DSCAM: variants seen among roughly 807,000 people sequenced by gnomAD.
DSCAM encodes the protein DS cell adhesion molecule.
A neutral mutation model predicts 217.7 loss-of-function variants in DSCAM; 47 were observed. The observed-to-expected ratio is 0.22, with a 90% CI of 0.17 to 0.28. The LOEUF is 0.28. DSCAM is among the 10% of genes least tolerant of loss of function. The pLI, the probability that DSCAM is intolerant of heterozygous loss-of-function variation, is 1.00. For missense variants in DSCAM, 2,080 were observed against 2,618.3 expected (o/e 0.79, Z 4.49); for synonymous variants, 1,056 against 1,015.3 (o/e 1.04, Z -0.76).
chr21:40,718,266 C>A (rs2090864677), intron 1 of DSCAM, among the ~76,000 whole-genome samples: 1 of 152,130 alleles, frequency 6.6e-6, no homozygotes, highest in South Asian at 2.1e-4. Flanking sequence ...AGTCCAAGAC[C>A]CTAGAGACAT....
intron 16 of DSCAM, among the ~76,000 whole-genome samples, chr21:40,145,960 ACATACACACATACATG>A (rs1455530863): frequency 5.1e-4 from 52 of 101,550 alleles, no homozygotes; most frequent in African/African-American, 1.6e-3. Context: ...GTGTATGTAT[ACATACACACATACATG>A]TGTATGTATG....
chr21:40,166,288 G>T (rs1417864025), intron 16 of DSCAM, among the ~76,000 whole-genome samples: 61 of 152,126 alleles, frequency 4.0e-4, no homozygotes, highest in Admixed American at 4.0e-3. Flanking sequence ...AAAACGGTGA[G>T]GAAAGAGACA....
intron 3 of DSCAM, among the ~76,000 whole-genome samples, chr21:40,541,299 C>T (rs755178344): frequency 3.3e-5 from 5 of 152,100 alleles, no homozygotes; most frequent in Admixed American, 3.3e-4. Flanking sequence ...TAGTAACAGA[C>T]TATATTTAAA....
intron 1 of DSCAM, among the ~76,000 whole-genome samples, chr21:40,798,730 A>C (rs2091713239): frequency 1.3e-5 from 2 of 152,278 alleles, no homozygotes; most frequent in African/African-American, 4.8e-5. Context: ...TAAATGTTTA[A>C]TAAAAGACAT....
At chr21:40,546,718 A>C (rs2076585981) in intron 3 of DSCAM, among the ~76,000 whole-genome samples, 1 of 152,224 alleles carries the variant, frequency 6.6e-6, no homozygotes, top group African/African-American at 2.4e-5. Flanking sequence ...TTGATTTAGC[A>C]AAAATCTGTG....
At position 40,083,934 on chromosome 21, in the gene DSCAM, C is replaced by T; in HGVS notation, c.4205G>A (p.Gly1402Glu). 6.2e-7 allele frequency: 1 copy of T among 1,613,676 alleles called. No individual in the cohort carries two copies. Among genetic ancestry groups the T allele is most frequent in the South Asian group, 1.1e-5 (1 of 91,012 alleles). ...TCTGATAGAGCTGCCCCCGTTGTCT[C>T]CAGGGAGCCAAGAAAGGGTGATGGA... is the stretch of plus-strand genomic sequence containing the variant. ...SSSITLSWLP[G>E]DNGGSSIRGY... The change falls in exon 24 of 33, where the codon GGA becomes GAA. Residue 1402 changes from glycine (G) to glutamate (E), a missense_variant. Coordinates refer to ENST00000400454, the MANE Select transcript of DSCAM (RefSeq NM_001389.5).
At chr21:40,317,472 CTTT>C (rs999550112) in intron 8 of DSCAM, among the ~76,000 whole-genome samples, 4 of 152,086 alleles carry the variant, frequency 2.6e-5, no homozygotes, top group African/African-American at 9.7e-5. Context: ...TCAAGTTTAT[CTTT>C]TTTATTTCCC....
rs185456642 is a variant in DSCAM, at chr21:40,141,312, G to A, written c.3406+1246C>T. ...ACTCATCAGGGATCACACCCAGTCAGAGGGGTTGAAAGAAGCCCCAGGCTG... is the reference window on the plus strand; with the variant it reads ...ACTCATCAGGGATCACACCCAGTCAAAGGGGTTGAAAGAAGCCCCAGGCTG... On this transcript the variant is annotated intron_variant, in intron 18 of 32. Coordinates refer to ENST00000400454, the MANE Select transcript of DSCAM (RefSeq NM_001389.5). 2.2e-4 allele frequency among the ~76,000 whole-genome samples: 34 copies of A among 152,308 alleles called. No individual in the cohort carries two copies. In the East Asian group the frequency reaches 5.8e-3, roughly 26 times the overall value.
chr21:40,548,511 A>ATAT (rs59485695), intron 3 of DSCAM, among the ~76,000 whole-genome samples: 49,855 of 132,654 alleles, frequency 0.38, 8,629 homozygotes, highest in East Asian at 0.5. Context: ...AGTAAAAAAA[A>ATAT]AAATATATAT....
At chr21:40,226,274 C>T (rs747142014) in intron 11 of DSCAM, among the ~76,000 whole-genome samples, 4 of 152,208 alleles carry the variant, frequency 2.6e-5, no homozygotes, top group African/African-American at 7.2e-5. Context: ...TGACAATGTG[C>T]GGACACAAAT....
intron 11 of DSCAM, among the ~76,000 whole-genome samples, chr21:40,250,370 A>G (rs887819056): frequency 7.9e-5 from 12 of 152,246 alleles, no homozygotes; most frequent in African/African-American, 2.9e-4. Context: ...GGTTGTATCA[A>G]GACAGGAAGA....
chr21:40,382,660 C>G (rs1046097819), intron 3 of DSCAM, among the ~76,000 whole-genome samples: 1 of 152,146 alleles, frequency 6.6e-6, no homozygotes, highest in Non-Finnish European at 1.5e-5. Context: ...CAGATGCGGT[C>G]CCTCGTGTCA....
chr21:40,451,967 C>T (rs1254927364), intron 3 of DSCAM, among the ~76,000 whole-genome samples: 4 of 152,158 alleles, frequency 2.6e-5, no homozygotes, highest in Non-Finnish European at 4.4e-5. Context: ...ACAGAAGGGT[C>T]CCTCAACAGT....
intron 3 of DSCAM, among the ~76,000 whole-genome samples, chr21:40,650,336 G>A (rs772113960): frequency 6.6e-6 from 1 of 152,206 alleles, no homozygotes; most frequent in Non-Finnish European, 1.5e-5. Flanking sequence ...GAGGTATTTA[G>A]GCAATTTTCA....
intron 3 of DSCAM, among the ~76,000 whole-genome samples, chr21:40,533,318 TC>T (rs2076464229): frequency 6.6e-6 from 1 of 152,238 alleles, no homozygotes; most frequent in Admixed American, 6.5e-5. Flanking sequence ...TTTTGCATAT[TC>T]CAGGATATAT....
chr21:40,069,928 C>T (rs2089266531), intron 27 of DSCAM, among the ~76,000 whole-genome samples: 3 of 152,156 alleles, frequency 2.0e-5, no homozygotes, highest in African/African-American at 7.2e-5. Context: ...GAAAAAACTG[C>T]ATGCACAGAC....
At chr21:40,689,587 A>AT (rs1826996531) in intron 3 of DSCAM, among the ~76,000 whole-genome samples, 1 of 152,224 alleles carries the variant, frequency 6.6e-6, no homozygotes, top group Admixed American at 6.5e-5. Flanking sequence ...TCCATGGCTG[A>AT]TTTAGTTAAT....
At chr21:40,020,865 GTGGATTTGCACACCATGAACCCACT>G (rs2088253234) in intron 32 of DSCAM, among the ~76,000 whole-genome samples, 1 of 152,198 alleles carries the variant, frequency 6.6e-6, no homozygotes, top group African/African-American at 2.4e-5. Flanking sequence ...GGCTGTAATG[GTGGATTTGCACACCATGAACCCACT>G]GTGCTCTGCC....
chr21:40,123,161 G>A (rs569228703), intron 20 of DSCAM, among the ~76,000 whole-genome samples: 19 of 152,234 alleles, frequency 1.2e-4, no homozygotes, highest in African/African-American at 3.6e-4. Context: ...TAGGGAATTC[G>A]TGTTTAATGG....
Sources: allele counts gnomAD v4.1 joint callset (sites outside exome capture counted in the v4.1 genomes callset), GRCh38; gene constraint gnomAD v4.1.1; transcripts MANE v1.5; gene names NCBI Gene and HGNC (gene_info 2026-07-23, HGNC 2026-07-21).